The following WDFY4 variants were observed in gnomAD, a reference collection of about 807,000 sequenced individuals.
The protein encoded by WDFY4 is WD repeat- and FYVE domain-containing protein 4.
In WDFY4, 169 loss-of-function variants were observed where a neutral mutation model predicts 351.9. That is an observed-to-expected ratio of 0.48 (90% CI 0.42 to 0.55). The LOEUF is 0.55. WDFY4 is among the 20% of genes least tolerant of loss of function. The pLI is 0.00. For missense variants in WDFY4, 3,803 were observed against 3,935.6 expected (o/e 0.97, Z 0.90); for synonymous variants, 1,622 against 1,574.6 (o/e 1.03, Z -0.71).
In WDFY4 at chr10:48,828,359, G is replaced by T. The variant is rs147392788; in HGVS notation, c.6222-419G>T. ...AAAAAAGGGTTCTTCTAAGTGCAGG[G>T]CCCTGTGTAATTGCACAGGTTGCAC... On this transcript the variant is annotated intron_variant, in intron 36 of 61. Transcript: ENST00000325239. Among the ~76,000 whole-genome samples the T allele has an allele frequency of 3.9e-5, 6 of 152,180 alleles. No individual in the cohort carries two copies. In the South Asian group the frequency reaches 8.3e-4, roughly 21 times the overall value.
At chr10:48,850,911 C>T (rs1460639262) in intron 39 of WDFY4, among the ~76,000 whole-genome samples, 1 of 152,246 alleles carries the variant, frequency 6.6e-6, no homozygotes, top group Admixed American at 6.5e-5. Flanking sequence ...ATTTGACAAA[C>T]AATACTAATG....
At chr10:48,970,326 G>A (rs1842284344) in intron 57 of WDFY4, 37 bp downstream of exon 57, 1 of 1,541,668 alleles carries the variant, frequency 6.5e-7, no homozygotes, top group East Asian at 2.4e-5. Context: ...TCCTCAGGTG[G>A]GGACAGTACT....
intron 37 of WDFY4, among the ~76,000 whole-genome samples, chr10:48,829,939 G>T (rs2068131870): frequency 6.6e-6 from 1 of 152,200 alleles, no homozygotes; most frequent in Non-Finnish European, 1.5e-5. Context: ...GAAGTTTGTT[G>T]GACATGGTTT....
intron 39 of WDFY4, among the ~76,000 whole-genome samples, chr10:48,864,877 T>A (rs77846634): frequency 6.6e-6 from 1 of 152,220 alleles, no homozygotes; most frequent in East Asian, 1.9e-4. Flanking sequence ...TTATTAGTGG[T>A]GGATAGGAAC....
intron 39 of WDFY4, among the ~76,000 whole-genome samples, chr10:48,840,932 T>G (rs775718014): frequency 6.6e-6 from 1 of 152,238 alleles, no homozygotes; most frequent in Non-Finnish European, 1.5e-5. Flanking sequence ...ATCTTCATAA[T>G]AGAAGGATAA....
At chr10:48,807,825 C>T (rs2067309784) in intron 27 of WDFY4, 34 bp from the exon 28 acceptor site, 2 of 1,542,516 alleles carry the variant, frequency 1.3e-6, no homozygotes, top group South Asian at 2.4e-5. Flanking sequence ...CTCTTTACAT[C>T]CATTTTCTCT....
At chr10:48,836,404 A>C (rs867715107) in intron 39 of WDFY4, among the ~76,000 whole-genome samples, 1 of 152,182 alleles carries the variant, frequency 6.6e-6, no homozygotes, top group Non-Finnish European at 1.5e-5. Context: ...AGTGCATGAA[A>C]TTGGGGTTTC....
intron 37 of WDFY4, 35 bp from the exon 38 acceptor site, chr10:48,830,665 G>A (rs987978673): frequency 1.9e-6 from 3 of 1,539,872 alleles, no homozygotes; most frequent in African/African-American, 2.7e-5. Context: ...GGTCACTGAG[G>A]CCATCCTGAG....
At chr10:48,913,428 G>A (rs1243241000) in intron 47 of WDFY4, 1 of 1,612,980 alleles carries the variant, frequency 6.2e-7, no homozygotes, top group East Asian at 2.2e-5. Context: ...CATGGAATTG[G>A]GTGAGATCAG....
chr10:48,784,074 TTG>T (rs1162760017), intron 19 of WDFY4, among the ~76,000 whole-genome samples: 5 of 152,204 alleles, frequency 3.3e-5, no homozygotes, highest in Admixed American at 2.0e-4. Context: ...GTGCCATAGT[TTG>T]TTTAGTCATT....
chr10:48,713,369 G>A (rs933141879), intron 2 of WDFY4, among the ~76,000 whole-genome samples: 1 of 152,176 alleles, frequency 6.6e-6, no homozygotes, highest in Non-Finnish European at 1.5e-5. Context: ...AGCCTGTTTG[G>A]TTTTCTTCCA....
intron 12 of WDFY4, among the ~76,000 whole-genome samples, chr10:48,753,129 A>T (rs143977282): frequency 6.6e-6 from 1 of 152,010 alleles, no homozygotes; most frequent in South Asian, 2.1e-4. Context: ...ATAATGTTGA[A>T]TTTTTTTATG....
chr10:48,916,979 A>T (rs985582705), intron 47 of WDFY4, among the ~76,000 whole-genome samples: 3 of 151,978 alleles, frequency 2.0e-5, no homozygotes, highest in Admixed American at 6.6e-5. Flanking sequence ...GTCCCATAAG[A>T]TTGTGATACT....
chr10:48,972,350 A>G (rs1391209532), intron 57 of WDFY4, among the ~76,000 whole-genome samples: 1 of 152,172 alleles, frequency 6.6e-6, no homozygotes, highest in Non-Finnish European at 1.5e-5. Flanking sequence ...TCAAAGACAA[A>G]CAATTCTCTA....
intron 37 of WDFY4, 111 bp from the exon 38 acceptor site, chr10:48,830,589 A>T (rs1431685234): frequency 2.5e-6 from 3 of 1,216,948 alleles, no homozygotes; most frequent in Non-Finnish European, 3.4e-6. Flanking sequence ...GATGTTCAAG[A>T]CCTTAAGTGA....
intron 47 of WDFY4, among the ~76,000 whole-genome samples, chr10:48,923,477 A>G (rs1490759944): frequency 2.4e-5 from 2 of 83,726 alleles, no homozygotes; most frequent in Non-Finnish European, 5.2e-5. Context: ...AGCTTCAGGT[A>G]AACAACAAAT....
intron 19 of WDFY4, among the ~76,000 whole-genome samples, chr10:48,786,169 T>C (rs544757144): frequency 3.2e-3 from 485 of 152,330 alleles, no homozygotes; most frequent in Middle Eastern, 0.01. Context: ...ATAAAATTGA[T>C]TTTTGTGTAT....
rs11101539 is a variant in WDFY4, at chr10:48,869,481, A to G, written c.6741+2139A>G. On this transcript the variant is annotated intron_variant, in intron 40 of 61. Transcript: ENST00000325239. ...TAGTGCCCTGGAAGTTAACCCAAGC[A>G]TCATTATATCCCATTATTATATCAA... 8.1e-3 allele frequency among the ~76,000 whole-genome samples: 1,232 copies of G among 152,318 alleles called. 18 individuals are homozygous for G. Among genetic ancestry groups the G allele is most frequent in the African/African-American group, 0.028 (1,174 of 41,554 alleles).
chr10:48,880,023 C>T (rs1177189701), intron 43 of WDFY4, among the ~76,000 whole-genome samples: 1 of 152,234 alleles, frequency 6.6e-6, no homozygotes, highest in Non-Finnish European at 1.5e-5. Flanking sequence ...TGCAAAGTCC[C>T]TTCAGAGCAG....
Sources: allele counts gnomAD v4.1 joint callset (sites outside exome capture counted in the v4.1 genomes callset), GRCh38; gene constraint gnomAD v4.1.1; transcripts MANE v1.5; gene names NCBI Gene and HGNC (gene_info 2026-07-23, HGNC 2026-07-21).